CTNNA3: variants seen among roughly 807,000 people sequenced by gnomAD.
The protein encoded by CTNNA3 is catenin alpha 3.
In CTNNA3, 76 loss-of-function variants were observed where a neutral mutation model predicts 95.7. That is an observed-to-expected ratio of 0.79 (90% CI 0.66 to 0.96). The LOEUF is 0.96. Ranked by LOEUF, CTNNA3 falls within the 40% of genes least tolerant of loss-of-function variation. The pLI, the probability that CTNNA3 is intolerant of heterozygous loss-of-function variation, is 0.00. For synonymous variants in CTNNA3, 431 were observed against 374.4 expected, an observed-to-expected ratio of 1.15 and a Z score of -1.74; for missense variants, 1,191 against 1,089.8, an observed-to-expected ratio of 1.09 and a Z score of -1.31.
At chr10:67,569,542 GA>G (rs1841917805) in intron 3 of CTNNA3, among the ~76,000 whole-genome samples, 1 of 152,154 alleles carries the variant, frequency 6.6e-6, no homozygotes, top group Non-Finnish European at 1.5e-5. Flanking sequence ...TCTGAAATCA[GA>G]GGTGTGATTC....
chr10:66,426,706 T>C (rs950754766), intron 11 of CTNNA3, among the ~76,000 whole-genome samples: 8 of 151,950 alleles, frequency 5.3e-5, no homozygotes, highest in Non-Finnish European at 7.4e-5. Context: ...ATATAACCAG[T>C]TAAGGATTGT....
intron 11 of CTNNA3, among the ~76,000 whole-genome samples, chr10:66,420,381 C>A (rs2093181175): frequency 6.6e-6 from 1 of 151,928 alleles, no homozygotes; most frequent in South Asian, 2.1e-4. Flanking sequence ...TATTTTTCTA[C>A]CCAATTGAAC....
intron 11 of CTNNA3, among the ~76,000 whole-genome samples, chr10:66,461,814 ATTTT>A (rs35888450): frequency 7.1e-6 from 1 of 140,166 alleles, no homozygotes. Flanking sequence ...TATATCTCCA[ATTTT>A]TTTTTTTTTT....
chr10:66,213,805 G>C (rs560980832), intron 13 of CTNNA3, among the ~76,000 whole-genome samples: 1 of 152,278 alleles, frequency 6.6e-6, no homozygotes, highest in East Asian at 1.9e-4. Flanking sequence ...GTAAGAAAGG[G>C]TAGTAGGCTA....
intron 5 of CTNNA3, among the ~76,000 whole-genome samples, chr10:67,387,488 C>T (rs1477616233): frequency 7.9e-5 from 12 of 152,164 alleles, no homozygotes; most frequent in South Asian, 2.1e-4. Context: ...GGGGGAGGGG[C>T]GCCCACCATA....
chr10:66,703,015 T>C (rs1024876651), intron 9 of CTNNA3, among the ~76,000 whole-genome samples: 3 of 152,174 alleles, frequency 2.0e-5, no homozygotes, highest in Non-Finnish European at 2.9e-5. Context: ...TCATTATTGA[T>C]GTTAAAAATA....
intron 9 of CTNNA3, among the ~76,000 whole-genome samples, chr10:66,670,660 G>A (rs1235631110): frequency 6.6e-6 from 1 of 152,164 alleles, no homozygotes; most frequent in South Asian, 2.1e-4. Flanking sequence ...GGATAATCTA[G>A]GCTAATCTCC....
chr10:67,449,188 A>G (rs1042097948), intron 5 of CTNNA3, among the ~76,000 whole-genome samples: 2 of 152,158 alleles, frequency 1.3e-5, no homozygotes, highest in Admixed American at 1.3e-4. Flanking sequence ...GAGAAAACAG[A>G]AACAAATGGA....
In CTNNA3 at chr10:67,639,442, T is replaced by C. The variant is rs141644806; in HGVS notation, c.99+7973A>G. ...TACCAGAGGTATGAGGAGGAGCTGG[T>C]ACCATTCCTTCTGAAACTATTCCAA... On this transcript the variant is annotated intron_variant, in intron 2 of 17. Coordinates refer to ENST00000433211, the MANE Select transcript of CTNNA3 (RefSeq NM_013266.4). Among the ~76,000 whole-genome samples, 91 of 152,286 alleles carry C rather than the reference T, an allele frequency of 6.0e-4. 2 individuals are homozygous for C. The highest frequency in any genetic ancestry group is 2.1e-3 in the African/African-American group (86 of 41,570).
chr10:65,932,321 A>G (rs1431340183), intron 17 of CTNNA3, among the ~76,000 whole-genome samples: 2 of 152,222 alleles, frequency 1.3e-5, no homozygotes, highest in Non-Finnish European at 2.9e-5. Flanking sequence ...GAAAACAACA[A>G]TAACACTCCT....
chr10:67,218,844 T>A (rs1864511647), intron 6 of CTNNA3, among the ~76,000 whole-genome samples: 1 of 152,214 alleles, frequency 6.6e-6, no homozygotes, highest in Non-Finnish European at 1.5e-5. Context: ...CAGTCTATGT[T>A]CCTTATGCAA....
At chr10:66,259,329 C>T (rs2090909715) in intron 13 of CTNNA3, among the ~76,000 whole-genome samples, 1 of 152,092 alleles carries the variant, frequency 6.6e-6, no homozygotes, top group Admixed American at 6.6e-5. Flanking sequence ...ACCAGACAGA[C>T]CTGGGGCCCC....
At chr10:66,958,460 C>CT (rs34122059) in intron 7 of CTNNA3, among the ~76,000 whole-genome samples, 5 of 151,452 alleles carry the variant, frequency 3.3e-5, no homozygotes, top group African/African-American at 1.2e-4. Context: ...AAATAAAAAG[C>CT]TTTTTTTTTT....
At position 67,173,000 on chromosome 10, in the gene CTNNA3, C is replaced by T. The variant is rs113896663; in HGVS notation, c.1047+7317G>A. ...AGGAAAAAAAAAAAAAAATGTATCCCGGTTTGGATAACAAATTACATGTTT... is the reference window on the plus strand; with the variant it reads ...AGGAAAAAAAAAAAAAAATGTATCCTGGTTTGGATAACAAATTACATGTTT... On this transcript the variant is annotated intron_variant, in intron 7 of 17. Transcript: ENST00000433211. 8.5e-3 allele frequency among the ~76,000 whole-genome samples: 1,286 copies of T among 151,814 alleles called. 8 individuals carry two copies. The highest frequency in any genetic ancestry group is 0.013 in the Non-Finnish European group (914 of 67,942).
chr10:67,061,901 T>C (rs1855776483), intron 7 of CTNNA3, among the ~76,000 whole-genome samples: 1 of 152,140 alleles, frequency 6.6e-6, no homozygotes, highest in African/African-American at 2.4e-5. Context: ...CAGAGTTTTA[T>C]AGAATTGGTG....
intron 10 of CTNNA3, among the ~76,000 whole-genome samples, chr10:66,577,633 T>C (rs1843048887): frequency 6.6e-6 from 1 of 152,002 alleles, no homozygotes; most frequent in South Asian, 2.1e-4. Context: ...GACAGGTGGT[T>C]GTAGGTTTGT....
At chr10:66,542,794 G>A (rs2132081245) in intron 10 of CTNNA3, among the ~76,000 whole-genome samples, 1 of 151,492 alleles carries the variant, frequency 6.6e-6, no homozygotes, top group African/African-American at 2.4e-5. Context: ...TGTAAATGAT[G>A]AGTTAATGGG....
chr10:66,121,858 T>G (rs1011182699), intron 13 of CTNNA3, among the ~76,000 whole-genome samples: 1 of 152,216 alleles, frequency 6.6e-6, no homozygotes, highest in Non-Finnish European at 1.5e-5. Context: ...AAAAAGTTGC[T>G]GAGGTTTACC....
chr10:67,616,639 A>G (rs148833144), intron 2 of CTNNA3, among the ~76,000 whole-genome samples: 5 of 152,326 alleles, frequency 3.3e-5, no homozygotes, highest in African/African-American at 1.2e-4. Context: ...TGGAGGTAAT[A>G]TTTACTAGTT....
Sources: allele counts gnomAD v4.1 joint callset (sites outside exome capture counted in the v4.1 genomes callset), GRCh38; gene constraint gnomAD v4.1.1; transcripts MANE v1.5; gene names NCBI Gene and HGNC (gene_info 2026-07-23, HGNC 2026-07-21).